Variants in SHISAL1 observed in about 807,000 individuals in gnomAD.
SHISAL1 encodes the protein protein shisa-like-1.
SHISAL1 carries 9 observed loss-of-function variants against 22.6 expected under a neutral mutation model. The observed-to-expected ratio is 0.40, with a 90% CI of 0.24 to 0.70. The LOEUF is 0.70. Ranked by LOEUF, SHISAL1 falls within the 30% of genes least tolerant of loss-of-function variation. SHISAL1 has a pLI of 0.39. For synonymous variants in SHISAL1, 119 were observed against 115.4 expected (o/e 1.03, Z -0.20); for missense variants, 246 against 270.6 (o/e 0.91, Z 0.64).
intron 4 of SHISAL1, among the ~76,000 whole-genome samples, chr22:44,262,820 T>C (rs2055134218): frequency 6.6e-6 from 1 of 152,214 alleles, no homozygotes; most frequent in Non-Finnish European, 1.5e-5. Flanking sequence ...GGCTGGTGCC[T>C]GCAACCTAAG....
In SHISAL1 at chr22:44,253,012, AT is replaced by A. The variant is rs892862005; in HGVS notation, c.*-3328del. Among the ~76,000 whole-genome samples the A allele has an allele frequency of 1.8e-4, 28 of 151,814 alleles. No individual in the cohort carries two copies. In the East Asian group the frequency reaches 4.4e-3, roughly 24 times the overall value. ...CTCCATCTTAAAAAAAATAAAAAAA[AT>A]AAAAAAAAAGGGCAGATGATTTTTA... On this transcript the variant is annotated intron_variant, in intron 4 of 4. Coordinates refer to ENST00000381176, the MANE Select transcript of SHISAL1 (RefSeq NM_001099294.2).
At chr22:44,323,342 C>T in the SHISAL1 span, among the ~76,000 whole-genome samples, 1 of 141,642 alleles carries the variant, frequency 7.1e-6, no homozygotes, top group South Asian at 2.5e-4. Context: ...ATCTATCCAC[C>T]CATTCATCCA....
chr22:44,330,354 G>T, the SHISAL1 span, among the ~76,000 whole-genome samples: 1 of 152,364 alleles, frequency 6.6e-6, no homozygotes, highest in Non-Finnish European at 1.5e-5. Flanking sequence ...GAGTCCCTGT[G>T]TGGGGCACTT....
chr22:44,272,089 AG>A (rs2055209541), intron 4 of SHISAL1, among the ~76,000 whole-genome samples: 2 of 152,178 alleles, frequency 1.3e-5, no homozygotes, highest in South Asian at 4.1e-4. Flanking sequence ...ACCTCTGAGG[AG>A]GGGGCTTCTA....
At chr22:44,286,022 G>A (rs1291433088) in intron 3 of SHISAL1, among the ~76,000 whole-genome samples, 1 of 152,214 alleles carries the variant, frequency 6.6e-6, no homozygotes, top group African/African-American at 2.4e-5. Context: ...GTCCCACAGA[G>A]TCAGACACTT....
chr22:44,306,370 T>TGTGGAAG (rs2055472880), intron 1 of SHISAL1, among the ~76,000 whole-genome samples: 1 of 134,368 alleles, frequency 7.4e-6, no homozygotes. Context: ...CGATGGCGTG[T>TGTGGAAG]GCGGAGGGGA....
the SHISAL1 span, among the ~76,000 whole-genome samples, chr22:44,322,163 C>A: frequency 6.6e-6 from 1 of 152,236 alleles, no homozygotes; most frequent in African/African-American, 2.4e-5. Context: ...CTTTGCCTCT[C>A]TGAGCTCCTA....
At chr22:44,298,897 C>G (rs993048295) in intron 2 of SHISAL1, among the ~76,000 whole-genome samples, 2 of 152,232 alleles carry the variant, frequency 1.3e-5, no homozygotes, top group Non-Finnish European at 2.9e-5. Flanking sequence ...ACGATGAAGC[C>G]TCCCCGGCTG....
intron 1 of SHISAL1, among the ~76,000 whole-genome samples, chr22:44,309,981 C>A (rs1178391859): frequency 6.6e-6 from 1 of 152,238 alleles, no homozygotes; most frequent in African/African-American, 2.4e-5. Context: ...TCTTTCCTCG[C>A]TGTGCTGGCC....
At chr22:44,330,855 G>C in the SHISAL1 span, among the ~76,000 whole-genome samples, 1 of 152,042 alleles carries the variant, frequency 6.6e-6, no homozygotes, top group Non-Finnish European at 1.5e-5. Context: ...CGGCCCCGGA[G>C]GCGACAGCGG....
chr22:44,284,009 C>T (rs892883521), intron 4 of SHISAL1, among the ~76,000 whole-genome samples: 1 of 152,020 alleles, frequency 6.6e-6, no homozygotes, highest in Non-Finnish European at 1.5e-5. Flanking sequence ...ACCTCCACAT[C>T]CCCCAGAGCC....
At chr22:44,297,907 T>G (rs2055398681) in intron 2 of SHISAL1, among the ~76,000 whole-genome samples, 1 of 152,194 alleles carries the variant, frequency 6.6e-6, no homozygotes, top group African/African-American at 2.4e-5. Context: ...CTGTGTCTGC[T>G]GAGAGGTTAT....
At chr22:44,324,426 T>C in the SHISAL1 span, among the ~76,000 whole-genome samples, 1 of 152,208 alleles carries the variant, frequency 6.6e-6, no homozygotes, top group African/African-American at 2.4e-5. Flanking sequence ...TCTAGGGGTC[T>C]GGGGATGAGC....
intron 3 of SHISAL1, among the ~76,000 whole-genome samples, chr22:44,291,193 G>A (rs1187481244): frequency 2.6e-5 from 4 of 152,208 alleles, no homozygotes; most frequent in Non-Finnish European, 5.9e-5. Flanking sequence ...TCCTACCCGG[G>A]ATAGGGGCTG....
chr22:44,249,449 C>T lies in SHISAL1; in HGVS notation c.*236G>A, dbSNP rs568897364. On this transcript the variant is annotated 3_prime_UTR_variant, in exon 5 of 5. Transcript: ENST00000381176. ...CCACCAGCCCAAAATAGGACTATTG[C>T]TTGCGGACAGGTGGCTCAGAATCCC... is the stretch of plus-strand genomic sequence containing the variant. 19 of 500,876 alleles carry T rather than the reference C, an allele frequency of 3.8e-5. No individual in the cohort carries two copies. The Admixed American group carries it at 6.1e-4, about 16-fold the overall frequency. 31.0% of individuals were successfully genotyped at this position (500,876 alleles called of 1,614,324 possible). A position where few individuals can be genotyped will look rare whatever the true frequency, so the allele number is the denominator to read the frequency against.
chr22:44,292,479 T>C (rs76921344), intron 3 of SHISAL1, among the ~76,000 whole-genome samples: 7,406 of 152,194 alleles, frequency 0.049, 564 homozygotes, highest in African/African-American at 0.16. Context: ...ACAGGTGACT[T>C]CCCCAGCCTG....
the SHISAL1 span, among the ~76,000 whole-genome samples, chr22:44,327,237 C>T: frequency 3.8e-5 from 4 of 106,232 alleles, no homozygotes; most frequent in South Asian, 3.5e-4. Flanking sequence ...GAGTGGGGGG[C>T]GCGCACACAC....
intron 4 of SHISAL1, among the ~76,000 whole-genome samples, chr22:44,276,782 C>T (rs748488288): frequency 1.3e-5 from 2 of 151,776 alleles, no homozygotes; most frequent in African/African-American, 4.8e-5. Flanking sequence ...GGAGAAAGAA[C>T]GGGAGGTGGA....
chr22:44,250,953 T>C (rs948263650), intron 4 of SHISAL1, among the ~76,000 whole-genome samples: 3 of 152,180 alleles, frequency 2.0e-5, no homozygotes, highest in Non-Finnish European at 2.9e-5. Flanking sequence ...GAACCTACTC[T>C]CCACCCTTTG....
Sources: gnomAD v4.1 joint callset for allele counts (sites outside exome capture counted in the v4.1 genomes callset) on GRCh38, gnomAD v4.1.1 for gene constraint, MANE v1.5 for transcripts, NCBI Gene and HGNC (gene_info 2026-07-23, HGNC 2026-07-21) for gene names.